WRN: variants seen among roughly 807,000 people sequenced by gnomAD.
WRN encodes bifunctional 3'-5' exonuclease/ATP-dependent helicase WRN.
A neutral mutation model predicts 180.7 loss-of-function variants in WRN; 149 were observed. That is an observed-to-expected ratio of 0.82 (90% CI 0.72 to 0.94). The LOEUF is 0.94. WRN is among the 40% of genes least tolerant of loss of function. The pLI is 0.00. For missense variants in WRN, 1,661 were observed against 1,700.1 expected (o/e 0.98, Z 0.40); for synonymous variants, 548 against 568.9 (o/e 0.96, Z 0.52).
chr8:31,142,546 C>T, intron 26 of WRN, 80 bp from the exon 27 acceptor site: 1 of 1,114,456 alleles, frequency 9.0e-7, no homozygotes, highest in South Asian at 1.7e-5. Flanking sequence ...ATTCATCTTT[C>T]TGAGAATGGA....
intron 28 of WRN, among the ~76,000 whole-genome samples, chr8:31,145,562 C>T (rs1802826118): frequency 1.3e-5 from 2 of 152,198 alleles, no homozygotes; most frequent in Admixed American, 6.5e-5. Context: ...AGGAGACTAA[C>T]GTTGTTTTCA....
intron 31 of WRN, among the ~76,000 whole-genome samples, chr8:31,152,895 T>G (rs144129751): frequency 6.6e-6 from 1 of 152,172 alleles, no homozygotes; most frequent in Non-Finnish European, 1.5e-5. Flanking sequence ...TTCTTAAAAT[T>G]AGCCAGGCAT....
Position 31,111,666 on chromosome 8 carries a change from A to C in WRN, c.2140A>C (p.Ile714Leu). 1.2e-6 allele frequency: 2 copies of C among 1,614,086 alleles called. No individual in the cohort carries two copies. Among genetic ancestry groups the C allele is most frequent in the Non-Finnish European group, 1.7e-6 (2 of 1,179,962 alleles). The change falls in exon 19 of 35, where the codon ATT (isoleucine) becomes CTT (leucine). Residue 714 changes from isoleucine to leucine, a missense_variant. Around this residue, in one of 3 missense-constraint regions of WRN, gnomAD observed 1,141 missense variants for 1,149.4 expected, o/e 0.99. Coordinates refer to ENST00000298139, the MANE Select transcript of WRN (RefSeq NM_000553.6). ...ATASSSIREDIVRCLNLRNPQ... is the reference protein window; with the variant it reads ...ATASSSIREDLVRCLNLRNPQ... ...TGCAAGTTCTTCAATCCGGGAAGAC[A>C]TTGTACGTTGCTTAAATCTGAGAAA... is the stretch of plus-strand genomic sequence containing the variant.
chr8:31,058,214 G>C (rs978462891), intron 1 of WRN, among the ~76,000 whole-genome samples, 158 bp from the exon 2 acceptor site: 3 of 152,136 alleles, frequency 2.0e-5, no homozygotes, highest in African/African-American at 7.2e-5. Flanking sequence ...TGTTTTAAGA[G>C]GAAGAAATAC....
chr8:31,090,390 A>C, intron 13 of WRN, 75 bp from the exon 14 acceptor site: 1 of 1,402,446 alleles, frequency 7.1e-7, no homozygotes, highest in Non-Finnish European at 1.0e-6. Context: ...GAAATGAAAA[A>C]TTGAATGGAT....
chr8:31,077,835 C>T (rs1263836314), intron 8 of WRN, among the ~76,000 whole-genome samples: 1 of 152,038 alleles, frequency 6.6e-6, no homozygotes, highest in African/African-American at 2.4e-5. Flanking sequence ...ACTGGGTGTC[C>T]TTGGTATCTC....
chr8:31,092,975 CCTT>C (rs2064804602), intron 16 of WRN, among the ~76,000 whole-genome samples: 1 of 152,032 alleles, frequency 6.6e-6, no homozygotes. Flanking sequence ...GTCAGGGTCT[CCTT>C]CTGTCACCCA....
chr8:31,095,991 A>G (rs1415339920), intron 16 of WRN, among the ~76,000 whole-genome samples: 3 of 152,216 alleles, frequency 2.0e-5, no homozygotes, highest in African/African-American at 4.8e-5. Context: ...TCACCGTTTT[A>G]TACCGAAGAA....
intron 1 of WRN, among the ~76,000 whole-genome samples, chr8:31,042,448 C>T (rs1229404757): frequency 1.3e-5 from 2 of 152,178 alleles, no homozygotes; most frequent in East Asian, 3.8e-4. Context: ...TTATATCTAA[C>T]ACCACAAAGT....
intron 18 of WRN, among the ~76,000 whole-genome samples, chr8:31,107,024 T>G (rs1208871778): frequency 1.3e-5 from 2 of 152,134 alleles, no homozygotes; most frequent in Non-Finnish European, 2.9e-5. Flanking sequence ...CTAAAGCAAA[T>G]GATTTGAAAG....
chr8:31,087,380 A>G (rs946117804), intron 11 of WRN, among the ~76,000 whole-genome samples: 5 of 152,216 alleles, frequency 3.3e-5, no homozygotes, highest in Admixed American at 3.3e-4. Context: ...AAAGAATGCG[A>G]CTGACACATG....
intron 18 of WRN, among the ~76,000 whole-genome samples, chr8:31,109,092 C>G (rs1003482882): frequency 1.2e-4 from 19 of 152,188 alleles, no homozygotes; most frequent in Non-Finnish European, 2.8e-4. Context: ...TACATGTGTT[C>G]AGGCCTTTCG....
intron 18 of WRN, among the ~76,000 whole-genome samples, chr8:31,103,169 G>C (rs1585459446): frequency 1.3e-5 from 2 of 152,090 alleles, no homozygotes; most frequent in African/African-American, 2.4e-5. Flanking sequence ...TGTCATCTGT[G>C]ATAACAATGC....
At chr8:31,120,553 A>AG in intron 21 of WRN, 129 bp downstream of exon 21, 2 of 999,716 alleles carry the variant, frequency 2.0e-6, no homozygotes, top group Non-Finnish European at 1.4e-6. Flanking sequence ...AAAAAAAAAA[A>AG]AAAGAAAAAT....
intron 9 of WRN, among the ~76,000 whole-genome samples, chr8:31,083,257 A>AT (rs1813391266): frequency 6.6e-6 from 1 of 152,224 alleles, no homozygotes; most frequent in Non-Finnish European, 1.5e-5. Flanking sequence ...TTATTTAAAG[A>AT]TATTACAATC....
chr8:31,061,805 TCTTAC>T (rs1563328093), intron 3 of WRN, among the ~76,000 whole-genome samples: 1 of 152,234 alleles, frequency 6.6e-6, no homozygotes, highest in Non-Finnish European at 1.5e-5. Context: ...CGTTAATGCC[TCTTAC>T]CTTTGTGTAA....
chr8:31,043,647 ATATAGACTGTTATTTACTTTATTACT>A (rs2129927935), intron 1 of WRN, among the ~76,000 whole-genome samples: 1 of 152,310 alleles, frequency 6.6e-6, no homozygotes, highest in Non-Finnish European at 1.5e-5. Flanking sequence ...ATTTGAAAAA[ATATAGACTGTTATTTACTTTATTACT>A]TACAGAAGCC....
rs555281600 is a variant in WRN, at chr8:31,116,408, G to T, written c.2328G>T (p.Met776Ile). 6.2e-7 allele frequency: 1 copy of T among 1,613,974 alleles called. No homozygotes were observed. The highest frequency in any genetic ancestry group is 1.1e-5 in the South Asian group (1 of 91,062). ...PTIIYCPSRKMTQQVTGELRK... is the reference protein window; with the variant it reads ...PTIIYCPSRKITQQVTGELRK... ...TCATCTACTGTCCTTCTAGAAAAAT[G>T]ACACAACAAGTTACAGGTGAACTTA... The change falls in exon 20 of 35, where the codon ATG becomes ATT. Residue 776 changes from methionine to isoleucine, a missense_variant. This residue lies in a region of WRN where 1,141 missense variants were observed against 1,149.4 expected (regional missense o/e 0.99). Coordinates refer to ENST00000298139, the MANE Select transcript of WRN (RefSeq NM_000553.6).
chr8:31,079,687 CT>C (rs1314964441), intron 8 of WRN, among the ~76,000 whole-genome samples: 1 of 152,162 alleles, frequency 6.6e-6, no homozygotes. Flanking sequence ...TAGTTTCTCA[CT>C]TGTTATATTT....
Sources: gnomAD v4.1 joint callset for allele counts (sites outside exome capture counted in the v4.1 genomes callset) on GRCh38, gnomAD v4.1.1 for gene constraint, gnomAD v4.1.1 regional missense constraint, MANE v1.5 for transcripts, NCBI Gene and HGNC (gene_info 2026-07-23, HGNC 2026-07-21) for gene names.